Variants in BRD8 observed in about 807,000 individuals in gnomAD.
The protein encoded by BRD8 is bromodomain containing 8.
In BRD8, 67 loss-of-function variants were observed where a neutral mutation model predicts 143.1. The ratio of observed to expected loss-of-function variants is 0.47; its 90% CI spans 0.38 to 0.57. The LOEUF is 0.57. BRD8 is among the 20% of genes least tolerant of loss of function. The probability of loss-of-function intolerance (pLI) is 0.00; values close to 1 mark genes in which losing one functional copy is unlikely to be tolerated. For missense variants in BRD8, 1,103 were observed against 1,503.0 expected (o/e 0.73, Z 4.40); for synonymous variants, 505 against 517.1 (o/e 0.98, Z 0.32).
Position 138,166,121 on chromosome 5 carries a change from AAG to A in BRD8, c.998-15_998-14del. 1 of 1,602,690 alleles carries A rather than the reference AAG, an allele frequency of 6.2e-7. No individual in the cohort carries two copies. The highest frequency in any genetic ancestry group is 1.1e-5 in the South Asian group (1 of 90,808). Reference sequence around the variant, plus strand: ...TCGGGTTGACTCACTGAGTAACAGAAAGAGAAAAGCATCTCAGAAGCTTATTG... The same window carrying A: ...TCGGGTTGACTCACTGAGTAACAGAAAGAAAAGCATCTCAGAAGCTTATTG... On this transcript the variant is annotated splice_polypyrimidine_tract_variant and intron_variant, in intron 10 of 26. Transcript: ENST00000254900.
In BRD8 at chr5:138,150,792, G is replaced by A. The variant is rs1373941833; in HGVS notation, c.3073C>T (p.Pro1025Ser). 6.2e-7 allele frequency: 1 copy of A among 1,614,136 alleles called. No individual in the cohort carries two copies. Among genetic ancestry groups the A allele is most frequent in the East Asian group, 2.2e-5 (1 of 44,888 alleles). Reference protein sequence around the residue: ...ENGKPEVASAPSVICTVQGLL... With the variant: ...ENGKPEVASASSVICTVQGLL... ...CCCTGAACTGTACAAATAACTGAGGGAGCTGAAGCCACCTCTGGCTTTCCA... is the reference window on the plus strand; with the variant it reads ...CCCTGAACTGTACAAATAACTGAGGAAGCTGAAGCCACCTCTGGCTTTCCA... Residue 1025 changes from proline (P) to serine (S), a missense_variant, in exon 22 of 27, where the codon CCC becomes TCC. This residue lies in a region of BRD8 where 369 missense variants were observed against 445.5 expected (regional missense o/e 0.83). Transcript: ENST00000254900.
In BRD8 at chr5:138,172,038, T is replaced by C. The variant is rs527371031; in HGVS notation, c.186+27A>G. The C allele has an allele frequency of 5.0e-6, 8 of 1,602,662 alleles. No individual in the cohort carries two copies. The African/African-American group carries it at 9.4e-5, about 19-fold the overall frequency. ...CTACTTTACAACCCAAAGACTGCTC[T>C]AAAAGAGCCCTTGCTTGGGAACTTA... is the stretch of plus-strand genomic sequence containing the variant. On this transcript the variant is annotated intron_variant, in intron 3 of 26. Coordinates refer to ENST00000254900, the MANE Select transcript of BRD8 (RefSeq NM_139199.2).
intron 26 of BRD8, 145 bp from the exon 27 acceptor site, chr5:138,140,311 C>T (rs1391722888): frequency 1.6e-6 from 1 of 638,840 alleles, no homozygotes; most frequent in Non-Finnish European, 2.7e-6. Flanking sequence ...CAAATGTCTT[C>T]TAGCTACTAT....
chr5:138,168,205 A>G (rs774443255), intron 8 of BRD8, 127 bp from the exon 9 acceptor site: 17 of 741,026 alleles, frequency 2.3e-5, no homozygotes, highest in African/African-American at 3.5e-5. Context: ...GAATAATTTA[A>G]GACCCAAGGG....
In BRD8 at chr5:138,166,561, T is replaced by C. The variant is rs1753439964; in HGVS notation, c.954A>G (p.Pro318=). The change falls in exon 10 of 27, where the codon CCA becomes CCG. Residue 318 remains proline (P), a synonymous_variant. Transcript: ENST00000254900. ...TIVMMPALPA[P]SSAPAVSTTE... is the part of the protein sequence containing the mutation. ...TAGTGGAGACAGCCGGAGCAGAGGA[T>C]GGTGCTGGCAGCGCAGGCATCATGA... The C allele has an allele frequency of 3.7e-6, 6 of 1,613,884 alleles. No homozygotes were observed. Among genetic ancestry groups the C allele is most frequent in the South Asian group, 1.1e-5 (1 of 91,060 alleles).
intron 6 of BRD8, 127 bp downstream of exon 6, chr5:138,170,705 A>G: frequency 2.2e-6 from 2 of 901,974 alleles, no homozygotes; most frequent in East Asian, 2.5e-5. Flanking sequence ...ACCACTTTGC[A>G]GCTTTCCCCT....
intron 20 of BRD8, among the ~76,000 whole-genome samples, chr5:138,153,698 C>G (rs1439326256): frequency 1.8e-5 from 2 of 112,130 alleles, no homozygotes; most frequent in Non-Finnish European, 1.8e-5. Context: ...TTTTTTTGAA[C>G]GAACTTTCAC....
At chr5:138,152,375 C>T (rs1752408743) in intron 21 of BRD8, 107 bp downstream of exon 21, 2 of 1,441,324 alleles carry the variant, frequency 1.4e-6, no homozygotes, top group Non-Finnish European at 1.9e-6. Context: ...CACTGTGGAG[C>T]TTATATTTTA....
At chr5:138,150,313 G>A (rs1752330292) in intron 22 of BRD8, among the ~76,000 whole-genome samples, 1 of 151,712 alleles carries the variant, frequency 6.6e-6, no homozygotes, top group African/African-American at 2.4e-5. Context: ...TCCCTGTATT[G>A]CCCAGACTGG....
chr5:138,167,521 T>C (rs1753536307), intron 9 of BRD8: 1 of 203,486 alleles, frequency 4.9e-6, no homozygotes, highest in Admixed American at 5.4e-5. Context: ...AGTATATATG[T>C]TACAATAAAA....
At chr5:138,147,854 CCTGAGCCCAGGAGGCGGAGGCTGAA>C (rs1752215965) in intron 23 of BRD8, among the ~76,000 whole-genome samples, 1 of 152,038 alleles carries the variant, frequency 6.6e-6, no homozygotes. Context: ...GAGAGGATCA[CCTGAGCCCAGGAGGCGGAGGCTGAA>C]GTGAGCCAAG....
At chr5:138,177,731 C>T (rs1754475350) in intron 1 of BRD8, 64 bp from the exon 2 acceptor site, 1 of 963,732 alleles carries the variant, frequency 1.0e-6, no homozygotes, top group African/African-American at 1.7e-5. Context: ...TGCTAAGCTC[C>T]AAAATCCCCA....
At chr5:138,175,741 C>T (rs1415721031) in intron 2 of BRD8, among the ~76,000 whole-genome samples, 3 of 148,226 alleles carry the variant, frequency 2.0e-5, no homozygotes, top group African/African-American at 7.4e-5. Context: ...GGCAAAACCC[C>T]ATCCCTACCA....
intron 14 of BRD8, chr5:138,163,786 A>C: frequency 1.5e-6 from 1 of 666,784 alleles, no homozygotes; most frequent in Non-Finnish European, 2.4e-6. Flanking sequence ...TGGATAGTCT[A>C]ATTAATAAAC....
rs1752417395 is a variant in BRD8 at position 138,152,568 on chromosome 5, G to T, written c.2770C>A (p.Leu924Met). The T allele has an allele frequency of 1.2e-6, 2 of 1,614,170 alleles. No individual in the cohort carries two copies. Among genetic ancestry groups the T allele is most frequent in the Admixed American group, 1.7e-5 (1 of 59,988 alleles). Reference sequence around the variant, plus strand: ...TCACTGCCTCCATCCCCAACAAGCAGTTCACTAGGTTCTCTCTCCGGGCTG... The same window carrying T: ...TCACTGCCTCCATCCCCAACAAGCATTTCACTAGGTTCTCTCTCCGGGCTG... ...ESSPEREPSE[L>M]LVGDGGSEES... Residue 924 changes from leucine to methionine, a missense_variant, in exon 21 of 27, where the codon CTG (leucine) becomes ATG (methionine). Transcript: ENST00000254900.
chr5:138,167,681 G>A (rs1753548142), intron 9 of BRD8: 1 of 405,880 alleles, frequency 2.5e-6, no homozygotes, highest in Admixed American at 3.8e-5. Context: ...GATTTTGCAA[G>A]CCCTAAGAAA....
chr5:138,169,062 C>T lies in BRD8; in HGVS notation c.642+160G>A, dbSNP rs568681410. ...GTCAAAAGCCTCAATGCTTTTAGGTCCGTTCTTATCTCAGAGCACAGAACA... is the reference window on the plus strand; with the variant it reads ...GTCAAAAGCCTCAATGCTTTTAGGTTCGTTCTTATCTCAGAGCACAGAACA... On this transcript the variant is annotated intron_variant, in intron 8 of 26. Transcript: ENST00000254900. Among the ~76,000 whole-genome samples the T allele has an allele frequency of 2.0e-5, 3 of 152,350 alleles. No homozygotes were observed. In the East Asian group the frequency reaches 5.8e-4, roughly 29 times the overall value.
rs776973491 is a variant in BRD8 at position 138,167,903 on chromosome 5, T to G, written c.787+31A>C. 6 of 1,603,478 alleles carry G rather than the reference T, an allele frequency of 3.7e-6. No homozygotes were observed. The South Asian group carries it at 4.4e-5, about 12-fold the overall frequency. On this transcript the variant is annotated intron_variant, in intron 9 of 26. Transcript: ENST00000254900. ...CAGTCAATGTCAAGTTCAACACCTT[T>G]GAGGTTGATAAAGGAAAAGTGGTAA...
intron 18 of BRD8, among the ~76,000 whole-genome samples, chr5:138,160,630 A>G (rs1372380430): frequency 6.6e-6 from 1 of 152,248 alleles, no homozygotes; most frequent in Admixed American, 6.5e-5. Context: ...TAAAAAATAT[A>G]CATTCACCAT....
Sources: gnomAD v4.1 joint callset for allele counts (sites outside exome capture counted in the v4.1 genomes callset) on GRCh38, gnomAD v4.1.1 for gene constraint, gnomAD v4.1.1 regional missense constraint, MANE v1.5 for transcripts, NCBI Gene and HGNC (gene_info 2026-07-23, HGNC 2026-07-21) for gene names.